The following TBC1D23 variants were observed in gnomAD, a reference collection of about 807,000 sequenced individuals.
The protein encoded by TBC1D23 is HCV non-structural protein 4A-transactivated protein 1.
TBC1D23 carries 55 observed loss-of-function variants against 91.4 expected under a neutral mutation model. That is an observed-to-expected ratio of 0.60 (90% CI 0.48 to 0.75). The LOEUF (loss-of-function observed/expected upper bound fraction) is 0.75, where lower values mean the gene tolerates loss of function less well. TBC1D23 is among the 30% of genes least tolerant of loss of function. The pLI, the probability that TBC1D23 is intolerant of heterozygous loss-of-function variation, is 0.00. For synonymous variants in TBC1D23, 289 were observed against 281.0 expected (o/e 1.03, Z -0.28); for missense variants, 725 against 836.1 (o/e 0.87, Z 1.64).
chr3:100,286,496 AT>A (rs1264735614), intron 4 of TBC1D23, among the ~76,000 whole-genome samples: 149 of 144,340 alleles, frequency 1.0e-3, no homozygotes, highest in Non-Finnish European at 3.2e-4. Flanking sequence ...ATTTTAACAT[AT>A]CTTCTTTTTT....
intron 15 of TBC1D23, among the ~76,000 whole-genome samples, chr3:100,313,985 C>G (rs1705678243): frequency 6.6e-6 from 1 of 151,736 alleles, no homozygotes; most frequent in East Asian, 1.9e-4. Context: ...TATTGATTAA[C>G]CTAACTTGTA....
intron 17 of TBC1D23, among the ~76,000 whole-genome samples, chr3:100,320,497 A>G (rs1705833165): frequency 1.3e-5 from 2 of 150,590 alleles, no homozygotes; most frequent in Non-Finnish European, 2.9e-5. Flanking sequence ...TAAAAAATAT[A>G]TTATTGTAGT....
chr3:100,275,279 A>T (rs2148852001), intron 1 of TBC1D23, among the ~76,000 whole-genome samples: 1 of 151,822 alleles, frequency 6.6e-6, no homozygotes, highest in African/African-American at 2.4e-5. Context: ...TTTTGAGACA[A>T]GGTCTTGTTC....
chr3:100,262,554 G>A (rs1195678378), intron 1 of TBC1D23, among the ~76,000 whole-genome samples: 1 of 151,780 alleles, frequency 6.6e-6, no homozygotes, highest in Non-Finnish European at 1.5e-5. Context: ...GTGAAACCCC[G>A]TCTCTACTAA....
intron 13 of TBC1D23, among the ~76,000 whole-genome samples, chr3:100,307,429 C>T (rs1705535113): frequency 6.6e-6 from 1 of 152,154 alleles, no homozygotes; most frequent in Non-Finnish European, 1.5e-5. Context: ...GGTTTCTCCA[C>T]CTGTGGAATA....
At chr3:100,303,882 C>A (rs558961117) in intron 11 of TBC1D23, among the ~76,000 whole-genome samples, 1 of 151,958 alleles carries the variant, frequency 6.6e-6, no homozygotes, top group African/African-American at 2.4e-5. Context: ...TATTCGAGTT[C>A]TTTATGTGGT....
At chr3:100,290,504 C>T in intron 4 of TBC1D23, 74 bp from the exon 5 acceptor site, 1 of 1,359,802 alleles carries the variant, frequency 7.4e-7, no homozygotes. Flanking sequence ...GAGGGTATAG[C>T]AGGAAGATTG....
chr3:100,295,999 A>G (rs77858577), intron 7 of TBC1D23, among the ~76,000 whole-genome samples, 173 bp from the exon 8 acceptor site: 2,239 of 152,302 alleles, frequency 0.015, 50 homozygotes, highest in African/African-American at 0.05. Context: ...AGAGATTTAC[A>G]TTAGCCGTTT....
chr3:100,301,983 G>T (rs1705441911), intron 10 of TBC1D23, 84 bp from the exon 11 acceptor site: 3 of 1,046,464 alleles, frequency 2.9e-6, no homozygotes, highest in Admixed American at 5.9e-5. Flanking sequence ...AAATATTGGG[G>T]TTTTTCCTAA....
intron 13 of TBC1D23, among the ~76,000 whole-genome samples, chr3:100,309,356 A>G (rs77050848): frequency 0.015 from 2,317 of 152,274 alleles, 32 homozygotes; most frequent in Non-Finnish European, 0.021. Flanking sequence ...ACTTTTGCTT[A>G]TTTTTGAAGA....
chr3:100,304,796 T>G (rs746444369), intron 11 of TBC1D23, 50 bp from the exon 12 acceptor site: 1 of 914,514 alleles, frequency 1.1e-6, no homozygotes, highest in Non-Finnish European at 1.8e-6. Context: ...AGCTAAAGTT[T>G]TAATTAAGTC....
chr3:100,276,205 A>G (rs567561287), intron 1 of TBC1D23, among the ~76,000 whole-genome samples: 1 of 152,152 alleles, frequency 6.6e-6, no homozygotes, highest in African/African-American at 2.4e-5. Context: ...GGGAAAATAA[A>G]TTTTTAGAAC....
intron 15 of TBC1D23, among the ~76,000 whole-genome samples, chr3:100,314,426 G>A (rs1431646754): frequency 1.3e-5 from 2 of 152,106 alleles, no homozygotes; most frequent in Admixed American, 6.6e-5. Flanking sequence ...TTTATTGATA[G>A]TGTGTAAAGT....
At chr3:100,261,241 G>A in intron 1 of TBC1D23, 170 bp downstream of exon 1, 1 of 636,110 alleles carries the variant, frequency 1.6e-6, no homozygotes, top group Non-Finnish European at 2.8e-6. Flanking sequence ...CTGCCTGCCT[G>A]GTTCTGCCCA....
At chr3:100,295,401 G>T in intron 7 of TBC1D23, 53 bp downstream of exon 7, 1 of 1,430,636 alleles carries the variant, frequency 7.0e-7, no homozygotes, top group Non-Finnish European at 9.5e-7. Flanking sequence ...ATCTGTGTAA[G>T]TTACTCAGTT....
At chr3:100,264,220 C>T (rs140432886) in intron 1 of TBC1D23, among the ~76,000 whole-genome samples, 138 of 152,194 alleles carry the variant, frequency 9.1e-4, no homozygotes, top group African/African-American at 3.1e-3. Context: ...CCCAGGCTGG[C>T]CTCATACTCC....
chr3:100,317,099 T>A (rs912310267), intron 16 of TBC1D23, among the ~76,000 whole-genome samples: 13 of 150,868 alleles, frequency 8.6e-5, no homozygotes, highest in Non-Finnish European at 1.2e-4. Context: ...AAAAAAAAAA[T>A]TTAGTCTTTG....
intron 11 of TBC1D23, among the ~76,000 whole-genome samples, chr3:100,304,620 AG>A (rs2148866035): frequency 6.6e-6 from 1 of 152,314 alleles, no homozygotes; most frequent in African/African-American, 2.4e-5. Flanking sequence ...ACTTGTTAAT[AG>A]CCTTGAAGTT....
chr3:100,296,239 G>A lies in TBC1D23; in HGVS notation c.840G>A (p.Gln280=). ...EDIEDLFSLA[Q]YYCSKTPASF... is the part of the protein sequence containing the mutation. ...TAGAAGACCTTTTCTCTCTGGCTCAGTATTATTGCAGCAAAACACCGGCTT... is the reference window on the plus strand; with the variant it reads ...TAGAAGACCTTTTCTCTCTGGCTCAATATTATTGCAGCAAAACACCGGCTT... The change falls in exon 8 of 19, where the codon CAG becomes CAA. Residue 280 remains glutamine (Q), a synonymous_variant. Transcript: ENST00000394144. 4 of 1,607,744 alleles carry A rather than the reference G, an allele frequency of 2.5e-6. No homozygotes were observed. Among genetic ancestry groups the A allele is most frequent in the Non-Finnish European group, 3.4e-6 (4 of 1,177,134 alleles).
Sources: allele counts gnomAD v4.1 joint callset (sites outside exome capture counted in the v4.1 genomes callset), GRCh38; gene constraint gnomAD v4.1.1; transcripts MANE v1.5; gene names NCBI Gene and HGNC (gene_info 2026-07-23, HGNC 2026-07-21).